Variants in EHBP1 observed in about 807,000 individuals in gnomAD.
EHBP1 encodes EH domain-binding protein 1.
A neutral mutation model predicts 144.0 loss-of-function variants in EHBP1; 55 were observed. The ratio of observed to expected loss-of-function variants is 0.38; its 90% CI spans 0.31 to 0.48. The LOEUF (loss-of-function observed/expected upper bound fraction) is 0.48. Ranked by LOEUF, EHBP1 falls within the 20% of genes least tolerant of loss-of-function variation. The pLI is 0.98. For missense variants in EHBP1, 1,200 were observed against 1,364.2 expected (o/e 0.88, Z 1.90); for synonymous variants, 469 against 472.7 (o/e 0.99, Z 0.10).
intron 7 of EHBP1, among the ~76,000 whole-genome samples, chr2:62,840,346 G>T (rs2047707892): frequency 7.8e-6 from 1 of 127,774 alleles, no homozygotes; most frequent in South Asian, 2.4e-4. Context: ...ATTCAAGATG[G>T]ATTAAAGACT....
At chr2:62,729,442 A>G (rs1183807642) in intron 2 of EHBP1, among the ~76,000 whole-genome samples, 3 of 119,592 alleles carry the variant, frequency 2.5e-5, no homozygotes. Flanking sequence ...AATAATAAAT[A>G]TAATAATAAA....
intron 14 of EHBP1, among the ~76,000 whole-genome samples, chr2:62,962,102 A>G (rs1000216322): frequency 1.3e-5 from 2 of 152,210 alleles, no homozygotes; most frequent in African/African-American, 4.8e-5. Context: ...AGGTGAGCAG[A>G]TAACTTGAGT....
At chr2:62,698,336 C>A (rs983801410) in intron 1 of EHBP1, among the ~76,000 whole-genome samples, 1 of 152,176 alleles carries the variant, frequency 6.6e-6, no homozygotes, top group Non-Finnish European at 1.5e-5. Context: ...TTAGCAGGTG[C>A]TCACACATTT....
Position 62,729,567 on chromosome 2 carries a change from TATA to T in EHBP1, c.105-17823_105-17821del, listed in dbSNP as rs1461200860. On this transcript the variant is annotated intron_variant, in intron 2 of 22. Coordinates refer to ENST00000431489, the MANE Select transcript of EHBP1 (RefSeq NM_001142616.3). ...ATATTATATATAATATATAATATAA[TATA>T]ATAAATAAATATAATAATAATATAT... Among the ~76,000 whole-genome samples the T allele has an allele frequency of 9.7e-5, 12 of 123,292 alleles. No homozygotes were observed. The East Asian group carries it at 2.1e-3, about 21-fold the overall frequency. The allele number at this position is 123,292 out of a possible 152,430, so 80.9% of individuals were successfully genotyped here. A position where few individuals can be genotyped will look rare whatever the true frequency, so the allele number is the denominator to read the frequency against.
intron 7 of EHBP1, among the ~76,000 whole-genome samples, chr2:62,838,329 A>G (rs1469259631): frequency 6.6e-6 from 1 of 152,214 alleles, no homozygotes; most frequent in Non-Finnish European, 1.5e-5. Context: ...TCTCTGGGAC[A>G]CATTCAAAGC....
chr2:62,904,993 A>C (rs2053683255), intron 10 of EHBP1, among the ~76,000 whole-genome samples: 1 of 152,226 alleles, frequency 6.6e-6, no homozygotes, highest in African/African-American at 2.4e-5. Context: ...AAGAGTCTTC[A>C]GATATGATCA....
At chr2:62,889,620 G>A (rs1006289901) in intron 10 of EHBP1, among the ~76,000 whole-genome samples, 27 of 152,116 alleles carry the variant, frequency 1.8e-4, no homozygotes, top group Non-Finnish European at 3.7e-4. Flanking sequence ...CATATGGCTA[G>A]CCAGTTATCA....
intron 5 of EHBP1, among the ~76,000 whole-genome samples, chr2:62,778,480 A>T (rs1437034747): frequency 6.7e-6 from 1 of 150,332 alleles, no homozygotes; most frequent in Non-Finnish European, 1.5e-5. Flanking sequence ...GGAGGTTGAG[A>T]CTGTAATGAG....
chr2:62,675,612 G>C (rs369895004), intron 1 of EHBP1, among the ~76,000 whole-genome samples: 3 of 152,048 alleles, frequency 2.0e-5, no homozygotes, highest in Non-Finnish European at 4.4e-5. Context: ...GACAAAATAA[G>C]GCCTTTCTTC....
intron 5 of EHBP1, among the ~76,000 whole-genome samples, chr2:62,806,986 A>G (rs1006112888): frequency 4.6e-5 from 7 of 152,236 alleles, no homozygotes; most frequent in African/African-American, 1.7e-4. Context: ...GACCCCCTGC[A>G]GAACCCACAG....
rs1249830425 is a variant in EHBP1, at chr2:62,955,650, A to G, written c.2450A>G (p.Gln817Arg). The change falls in exon 14 of 23, where the codon CAG (glutamine) becomes CGG (arginine). Residue 817 changes from glutamine (Q) to arginine (R), a missense_variant. Coordinates refer to ENST00000431489, the MANE Select transcript of EHBP1 (RefSeq NM_001142616.3). Reference sequence around the variant, plus strand: ...ACAGCCACCCCATTCTGCAACAGGCAGCTAAGTGATGTGAGGAGCATTGGT... The same window carrying G: ...ACAGCCACCCCATTCTGCAACAGGCGGCTAAGTGATGTGAGGAGCATTGGT... Reference protein sequence around the residue: ...TNTATPFCNRQLSDQQDEERR... With the variant: ...TNTATPFCNRRLSDQQDEERR... 1 of 1,610,384 alleles carries G rather than the reference A, an allele frequency of 6.2e-7. No individual in the cohort carries two copies. The highest frequency in any genetic ancestry group is 8.5e-7 in the Non-Finnish European group (1 of 1,178,356).
At chr2:62,917,735 C>T (rs1011444847) in intron 10 of EHBP1, among the ~76,000 whole-genome samples, 4 of 152,086 alleles carry the variant, frequency 2.6e-5, no homozygotes, top group African/African-American at 7.2e-5. Flanking sequence ...TCATGCTTTC[C>T]TATCTGTGAG....
chr2:62,836,000 G>C (rs1381913607), intron 7 of EHBP1, among the ~76,000 whole-genome samples: 2 of 151,844 alleles, frequency 1.3e-5, no homozygotes, highest in Admixed American at 1.3e-4. Flanking sequence ...ACAGCTCAAG[G>C]AGGCCTGCCT....
chr2:62,982,176 A>G (rs1307947638), intron 15 of EHBP1, among the ~76,000 whole-genome samples: 1 of 152,214 alleles, frequency 6.6e-6, no homozygotes, highest in Non-Finnish European at 1.5e-5. Flanking sequence ...TTGAAATTCA[A>G]TGATTCATAT....
chr2:62,848,302 C>T (rs1425004102), intron 7 of EHBP1, among the ~76,000 whole-genome samples: 4 of 151,890 alleles, frequency 2.6e-5, no homozygotes, highest in African/African-American at 9.7e-5. Context: ...AGTCTGGCCT[C>T]GAACTCCTGA....
chr2:62,976,952 A>G (rs1175064681), intron 14 of EHBP1, among the ~76,000 whole-genome samples: 3 of 151,784 alleles, frequency 2.0e-5, no homozygotes, highest in Non-Finnish European at 2.9e-5. Context: ...TGCATCTATT[A>G]TGTTACCAAG....
intron 7 of EHBP1, among the ~76,000 whole-genome samples, chr2:62,843,907 T>C (rs1228978449): frequency 6.6e-6 from 1 of 152,222 alleles, no homozygotes; most frequent in Non-Finnish European, 1.5e-5. Flanking sequence ...TTGTATTAAC[T>C]CTTCCTTCCA....
At chr2:62,763,943 G>C (rs149613629) in intron 3 of EHBP1, among the ~76,000 whole-genome samples, 9 of 152,130 alleles carry the variant, frequency 5.9e-5, no homozygotes, top group Admixed American at 5.2e-4. Context: ...TAAACAGATA[G>C]TAGCTTTTGA....
chr2:62,840,543 T>G (rs1035021185), intron 7 of EHBP1, among the ~76,000 whole-genome samples: 3 of 150,098 alleles, frequency 2.0e-5, no homozygotes, highest in African/African-American at 7.4e-5. Flanking sequence ...ACCATCAGAG[T>G]GAACAGGCAA....
Sources: gnomAD v4.1 joint callset for allele counts (sites outside exome capture counted in the v4.1 genomes callset) on GRCh38, gnomAD v4.1.1 for gene constraint, MANE v1.5 for transcripts, NCBI Gene and HGNC (gene_info 2026-07-23, HGNC 2026-07-21) for gene names.